SPMIP2: variants seen among roughly 807,000 people sequenced by gnomAD.
SPMIP2 encodes sperm microtubule inner protein 2.
At chr4:158,985,082 G>A in the SPMIP2 span, among the ~76,000 whole-genome samples, 1 of 148,584 alleles carries the variant, frequency 6.7e-6, no homozygotes, top group African/African-American at 2.5e-5. Flanking sequence ...GACTAAACCA[G>A]GAAGAAGTTG....
At chr4:159,004,173 C>T in the SPMIP2 span, among the ~76,000 whole-genome samples, 1 of 151,754 alleles carries the variant, frequency 6.6e-6, no homozygotes, top group Non-Finnish European at 1.5e-5. Context: ...TGTGCCAACA[C>T]ACCTGGCTAA....
At chr4:158,933,239 C>G in the SPMIP2 span, among the ~76,000 whole-genome samples, 1 of 152,184 alleles carries the variant, frequency 6.6e-6, no homozygotes, top group Non-Finnish European at 1.5e-5. Context: ...AAGTGATCCG[C>G]CTGCCTTGGC....
At chr4:158,994,788 A>G in the SPMIP2 span, among the ~76,000 whole-genome samples, 1 of 152,160 alleles carries the variant, frequency 6.6e-6, no homozygotes, top group Admixed American at 6.5e-5. Flanking sequence ...CACGTCTGAC[A>G]TGTGCACATA....
the SPMIP2 span, among the ~76,000 whole-genome samples, chr4:159,073,215 G>A: frequency 1.8e-4 from 27 of 152,034 alleles, no homozygotes; most frequent in African/African-American, 6.3e-4. Context: ...GTGCAGTGGC[G>A]CAAACACGGC....
the SPMIP2 span, among the ~76,000 whole-genome samples, chr4:158,939,935 G>A: frequency 6.6e-6 from 1 of 152,138 alleles, no homozygotes; most frequent in Non-Finnish European, 1.5e-5. Context: ...ATGTTCCGAG[G>A]TCATCTTATT....
the SPMIP2 span, among the ~76,000 whole-genome samples, chr4:158,912,658 A>G: frequency 4.9e-4 from 74 of 152,324 alleles, no homozygotes; most frequent in Admixed American, 3.3e-3. Context: ...ATTTGTTCCA[A>G]TTTATTTTCC....
chr4:158,995,074 C>T, the SPMIP2 span, among the ~76,000 whole-genome samples: 1 of 152,174 alleles, frequency 6.6e-6, no homozygotes, highest in African/African-American at 2.4e-5. Context: ...GATAAACTTT[C>T]TCATTTTTTT....
the SPMIP2 span, among the ~76,000 whole-genome samples, chr4:158,980,531 C>A: frequency 6.6e-6 from 1 of 152,362 alleles, no homozygotes; most frequent in South Asian, 2.1e-4. Context: ...CTTTGCTGTT[C>A]TGCAGCCTTC....
At chr4:159,030,500 T>C in the SPMIP2 span, among the ~76,000 whole-genome samples, 1 of 150,266 alleles carries the variant, frequency 6.7e-6, no homozygotes, top group Non-Finnish European at 1.5e-5. Flanking sequence ...TATTTATTTA[T>C]TTATTTATTT....
At chr4:158,932,471 A>AACAT in the SPMIP2 span, among the ~76,000 whole-genome samples, 295 of 152,210 alleles carry the variant, frequency 1.9e-3, no homozygotes, top group East Asian at 5.0e-3. Flanking sequence ...TCTGTGTCAA[A>AACAT]ACATACATAC....
the SPMIP2 span, among the ~76,000 whole-genome samples, chr4:158,923,750 G>A: frequency 6.6e-6 from 1 of 152,176 alleles, no homozygotes; most frequent in Non-Finnish European, 1.5e-5. Context: ...TCACAAGGTT[G>A]AATAGACATA....
the SPMIP2 span, among the ~76,000 whole-genome samples, chr4:158,988,860 A>C: frequency 6.6e-6 from 1 of 152,338 alleles, no homozygotes; most frequent in South Asian, 2.1e-4. Context: ...ACTCCTATTC[A>C]ATGTAGTATT....
At chr4:158,911,001 G>A in the SPMIP2 span, among the ~76,000 whole-genome samples, 1 of 152,184 alleles carries the variant, frequency 6.6e-6, no homozygotes, top group African/African-American at 2.4e-5. Context: ...AGTAGGATCA[G>A]AAAATTGTCA....
At chr4:159,078,517 T>C in the SPMIP2 span, among the ~76,000 whole-genome samples, 23 of 152,336 alleles carry the variant, frequency 1.5e-4, 1 homozygote, top group East Asian at 3.1e-3. Flanking sequence ...ATATTTTTCA[T>C]ATAAGCACTT....
the SPMIP2 span, among the ~76,000 whole-genome samples, chr4:159,021,782 GT>G: frequency 6.6e-6 from 1 of 152,192 alleles, no homozygotes; most frequent in Admixed American, 6.5e-5. Flanking sequence ...GGAATGGATT[GT>G]TTTGTATCCA....
At chr4:159,062,344 T>C in the SPMIP2 span, among the ~76,000 whole-genome samples, 2 of 152,220 alleles carry the variant, frequency 1.3e-5, no homozygotes, top group East Asian at 3.8e-4. Flanking sequence ...ATTACTACTA[T>C]GGGCCACTAT....
At chr4:158,919,194 T>A in the SPMIP2 span, among the ~76,000 whole-genome samples, 1 of 152,314 alleles carries the variant, frequency 6.6e-6, no homozygotes, top group East Asian at 1.9e-4. Context: ...AACCTCAACA[T>A]AACCGTCAAA....
chr4:158,943,802 C>T, the SPMIP2 span, among the ~76,000 whole-genome samples: 1 of 149,712 alleles, frequency 6.7e-6, no homozygotes, highest in African/African-American at 2.4e-5. Context: ...CTTCTTGAAT[C>T]CTAAAAAAAT....
chr4:158,911,579 C>CT, the SPMIP2 span, among the ~76,000 whole-genome samples: 4 of 73,684 alleles, frequency 5.4e-5, no homozygotes, highest in South Asian at 2.3e-3. Flanking sequence ...ATCAAGTCCC[C>CT]CGTTCCTAGC....
Sources: gnomAD v4.1 joint callset for allele counts (sites outside exome capture counted in the v4.1 genomes callset) on GRCh38, gnomAD v4.1.1 for gene constraint, MANE v1.5 for transcripts, NCBI Gene and HGNC (gene_info 2026-07-23, HGNC 2026-07-21) for gene names.